The following RORA variants were observed in gnomAD, a reference collection of about 807,000 sequenced individuals.
RORA encodes the protein RAR related orphan receptor A.
In RORA, 7 loss-of-function variants were observed where a neutral mutation model predicts 69.5. The ratio of observed to expected loss-of-function variants is 0.10; its 90% CI spans 0.06 to 0.19. The LOEUF is 0.19. Ranked by LOEUF, RORA falls within the 10% of genes least tolerant of loss-of-function variation. RORA has a pLI of 1.00. For synonymous variants in RORA, 261 were observed against 240.8 expected, an observed-to-expected ratio of 1.08 and a Z score of -0.78; for missense variants, 457 against 663.0, an observed-to-expected ratio of 0.69 and a Z score of 3.41.
intron 1 of RORA, among the ~76,000 whole-genome samples, chr15:60,775,492 G>T (rs1199359404): frequency 1.3e-5 from 2 of 152,130 alleles, no homozygotes; most frequent in Admixed American, 6.5e-5. Flanking sequence ...ATCTTGCTAG[G>T]CACTCCGCCA....
chr15:60,499,823 C>T (rs2065274300), intron 10 of RORA, 69 bp downstream of exon 10: 3 of 818,672 alleles, frequency 3.7e-6, no homozygotes, highest in Non-Finnish European at 6.0e-6. Context: ...CTTACATGAC[C>T]ATATTGGCAG....
intron 1 of RORA, among the ~76,000 whole-genome samples, chr15:61,025,362 G>C (rs1374930893): frequency 6.6e-6 from 1 of 152,190 alleles, no homozygotes; most frequent in Non-Finnish European, 1.5e-5. Flanking sequence ...TTCCCTTCAA[G>C]GGCTGTGGTC....
chr15:60,999,364 C>T (rs1488827538), intron 1 of RORA, among the ~76,000 whole-genome samples: 1 of 152,142 alleles, frequency 6.6e-6, no homozygotes, highest in East Asian at 1.9e-4. Flanking sequence ...AAGGCTCACT[C>T]CACCATAGGT....
intron 1 of RORA, among the ~76,000 whole-genome samples, chr15:60,874,481 A>G (rs117300756): frequency 6.6e-6 from 1 of 152,294 alleles, no homozygotes; most frequent in East Asian, 1.9e-4. Context: ...TGTCTTTTGT[A>G]AGACTCAACT....
chr15:61,185,807 G>GA (rs1041752386), intron 1 of RORA, among the ~76,000 whole-genome samples: 2 of 152,082 alleles, frequency 1.3e-5, no homozygotes, highest in African/African-American at 4.8e-5. Context: ...GTCTCCTCAG[G>GA]AGAAGGTCGT....
chr15:60,773,905 A>T (rs376155587), intron 1 of RORA, among the ~76,000 whole-genome samples: 1 of 152,250 alleles, frequency 6.6e-6, no homozygotes, highest in African/African-American at 2.4e-5. Flanking sequence ...CTTCACATTT[A>T]TGTAATACAT....
At chr15:61,135,952 C>T (rs1310051284) in intron 1 of RORA, among the ~76,000 whole-genome samples, 1 of 152,196 alleles carries the variant, frequency 6.6e-6, no homozygotes, top group African/African-American at 2.4e-5. Context: ...AAATGGAAAG[C>T]TGTGAGGGGA....
intron 1 of RORA, among the ~76,000 whole-genome samples, chr15:60,740,417 T>C (rs1595675196): frequency 6.6e-6 from 1 of 152,322 alleles, no homozygotes; most frequent in South Asian, 2.1e-4. Context: ...GAATTCGGTC[T>C]GGCAAAACCA....
At chr15:61,162,033 G>A (rs148356397) in intron 1 of RORA, among the ~76,000 whole-genome samples, 144 of 152,256 alleles carry the variant, frequency 9.5e-4, no homozygotes, top group African/African-American at 3.3e-3. Context: ...ATATACACAC[G>A]TTAAAAGTGG....
intron 1 of RORA, among the ~76,000 whole-genome samples, chr15:60,788,561 C>T (rs1281371374): frequency 5.3e-5 from 8 of 152,326 alleles, no homozygotes; most frequent in East Asian, 3.9e-4. Context: ...AAGAAGAAGC[C>T]GCCTCAGCAA....
At chr15:60,836,940 T>A (rs1254625458) in intron 1 of RORA, among the ~76,000 whole-genome samples, 1 of 152,136 alleles carries the variant, frequency 6.6e-6, no homozygotes, top group Non-Finnish European at 1.5e-5. Flanking sequence ...GCAATGCTTC[T>A]ACATAGCAAA....
intron 2 of RORA, among the ~76,000 whole-genome samples, chr15:60,609,135 C>T (rs976508705): frequency 2.6e-5 from 4 of 152,120 alleles, no homozygotes; most frequent in Non-Finnish European, 5.9e-5. Context: ...TTCATATTTG[C>T]TTACCAATAG....
intron 2 of RORA, among the ~76,000 whole-genome samples, chr15:60,670,145 T>C (rs1363829067): frequency 6.6e-6 from 1 of 151,982 alleles, no homozygotes; most frequent in Non-Finnish European, 1.5e-5. Flanking sequence ...AAATAAAAGA[T>C]TTATAGATTA....
At chr15:60,712,749 C>T (rs913050409) in intron 1 of RORA, among the ~76,000 whole-genome samples, 1 of 152,214 alleles carries the variant, frequency 6.6e-6, no homozygotes, top group African/African-American at 2.4e-5. Context: ...TGGTGCTCAG[C>T]TTTTCTTTAT....
chr15:60,741,756 TAG>T (rs2071578333), intron 1 of RORA, among the ~76,000 whole-genome samples: 2 of 152,196 alleles, frequency 1.3e-5, no homozygotes, highest in Non-Finnish European at 2.9e-5. Context: ...CCTGGAAATT[TAG>T]AGTCTCAGGG....
chr15:60,856,068 AAACCCACTCAT>A (rs1489046018), intron 1 of RORA, among the ~76,000 whole-genome samples: 16 of 152,194 alleles, frequency 1.1e-4, no homozygotes, highest in Admixed American at 5.2e-4. Flanking sequence ...AGGGATCCTT[AAACCCACTCAT>A]GTTAAATATG....
intron 1 of RORA, among the ~76,000 whole-genome samples, chr15:61,135,259 A>G (rs1020971152): frequency 6.6e-6 from 1 of 151,682 alleles, no homozygotes; most frequent in African/African-American, 2.4e-5. Context: ...TGAACACAGG[A>G]GGTGGAGGCT....
intron 1 of RORA, among the ~76,000 whole-genome samples, chr15:61,042,586 C>G (rs576797754): frequency 2.6e-5 from 4 of 152,232 alleles, no homozygotes; most frequent in Non-Finnish European, 5.9e-5. Flanking sequence ...TCACAAAAGA[C>G]TGTACGTAAT....
At chr15:60,688,413 GA>G (rs1231797417) in intron 1 of RORA, among the ~76,000 whole-genome samples, 1 of 152,056 alleles carries the variant, frequency 6.6e-6, no homozygotes, top group East Asian at 1.9e-4. Context: ...ATAATAATAA[GA>G]AAGAAAAGTT....
Sources: allele counts gnomAD v4.1 joint callset (sites outside exome capture counted in the v4.1 genomes callset), GRCh38; gene constraint gnomAD v4.1.1; transcripts MANE v1.5; gene names NCBI Gene and HGNC (gene_info 2026-07-23, HGNC 2026-07-21).